The following KLHL36 variants were observed in gnomAD, a reference collection of about 807,000 sequenced individuals.
KLHL36 encodes the protein kelch like family member 36.
In KLHL36, 35 loss-of-function variants were observed where a neutral mutation model predicts 53.3. That is an observed-to-expected ratio of 0.66 (90% CI 0.50 to 0.87). The LOEUF is 0.87. KLHL36 is among the 40% of genes least tolerant of loss of function. The pLI is 0.00. For missense variants in KLHL36, 864 were observed against 897.6 expected, an observed-to-expected ratio of 0.96 and a Z score of 0.48; for synonymous variants, 472 against 398.9, an observed-to-expected ratio of 1.18 and a Z score of -2.18.
In KLHL36 at chr16:84,657,764, C is replaced by T. The variant is rs145942400; in HGVS notation, c.957C>T (p.Asp319=). 20 of 1,611,206 alleles carry T rather than the reference C, an allele frequency of 1.2e-5. No homozygotes were observed. Among genetic ancestry groups the T allele is most frequent in the Middle Eastern group, 3.3e-4 (2 of 6,022 alleles). The part of the protein sequence containing the change: ...LELSDDTCYL[D]AKSEQWVKET... ...TCAGTGACGACACCTGCTACCTGGA[C>T]GCCAAGAGCGAGCAGTGGGTCAAAG... Residue 319 remains aspartate, a synonymous_variant, in exon 3 of 5, where the codon GAC becomes GAT. Transcript: ENST00000564996.
rs1907267496 is a variant in KLHL36 at position 84,657,310 on chromosome 16, A to T, written c.503A>T (p.Asp168Val). The change falls in exon 3 of 5, where the codon GAT becomes GTT. Residue 168 changes from aspartate (D) to valine (V), a missense_variant. Physicochemically the swap from Asp to Val is radical, Grantham distance 152. Coordinates refer to ENST00000564996, the MANE Select transcript of KLHL36 (RefSeq NM_024731.4). ...YSLKRLDAFI[D>V]GFILNHFGTL... Reference sequence around the variant, plus strand: ...CTCAAGCGGCTTGATGCCTTCATCGATGGCTTCATCCTGAACCACTTCGGC... The same window carrying T: ...CTCAAGCGGCTTGATGCCTTCATCGTTGGCTTCATCCTGAACCACTTCGGC... 1 of 1,613,730 alleles carries T rather than the reference A, an allele frequency of 6.2e-7. No homozygotes were observed.
At chr16:84,649,132 A>T (rs1341714130) in intron 1 of KLHL36, 1 of 152,302 alleles carries the variant, frequency 6.6e-6, no homozygotes, top group East Asian at 1.9e-4. Flanking sequence ...CTGCGGTCCC[A>T]TGTTTACTGG....
In KLHL36 at chr16:84,657,794, G is replaced by T. The variant is rs776937288; in HGVS notation, c.987G>T (p.Thr329=). Reference sequence around the variant, plus strand: ...AGAGCGAGCAGTGGGTCAAAGAGACGCCGCTGCCCGCCCGGCGGAGCCACC... The same window carrying T: ...AGAGCGAGCAGTGGGTCAAAGAGACTCCGCTGCCCGCCCGGCGGAGCCACC... ...DAKSEQWVKE[T]PLPARRSHHC... is the part of the protein sequence containing the mutation. The change falls in exon 3 of 5, where the codon ACG becomes ACT. Residue 329 remains threonine (T), a synonymous_variant. Transcript: ENST00000564996. 1.2e-6 allele frequency: 2 copies of T among 1,606,352 alleles called. No homozygotes were observed. The highest frequency in any genetic ancestry group is 2.2e-5 in the South Asian group (2 of 90,784).
Position 84,657,208 on chromosome 16 carries a change from TCTG to T in KLHL36, c.405_407del (p.Cys136del). The T allele has an allele frequency of 6.2e-7, 1 of 1,614,162 alleles. No homozygotes were observed. Among genetic ancestry groups the T allele is most frequent in the Non-Finnish European group, 8.5e-7 (1 of 1,180,032 alleles). On this transcript the variant is annotated inframe_deletion, in exon 3 of 5. Coordinates refer to ENST00000564996, the MANE Select transcript of KLHL36 (RefSeq NM_024731.4). The stretch of plus-strand genomic sequence containing the variant: ...CTGCAGATCTGGACGGTGGTAGACT[TCTG>T]CTGTGAGTACCTGGAGCAGGAGGTG...
rs145963329 is a variant in KLHL36 at position 84,652,521 on chromosome 16, G to A, written c.63+1591G>A. 3.4e-3 allele frequency among the ~76,000 whole-genome samples: 519 copies of A among 152,240 alleles called. 3 individuals are homozygous for A. The highest frequency in any genetic ancestry group is 0.012 in the African/African-American group (495 of 41,552). ...CTTGACCTCGTGACCCGCCAGCCTT[G>A]GCCTCCCAAAGTGCTGGGATTACAG... On this transcript the variant is annotated intron_variant, in intron 2 of 4. Coordinates refer to ENST00000564996, the MANE Select transcript of KLHL36 (RefSeq NM_024731.4).
At chr16:84,655,436 G>GCTA (rs1397517055) in intron 2 of KLHL36, among the ~76,000 whole-genome samples, 1 of 152,148 alleles carries the variant, frequency 6.6e-6, no homozygotes, top group African/African-American at 2.4e-5. Context: ...AATCAGACAG[G>GCTA]CGTGGTAGCG....
rs1907539120 is a variant in KLHL36 at position 84,661,437 on chromosome 16, T to C, written c.1296-141T>C. 1.3e-6 allele frequency: 1 copy of C among 792,778 alleles called. No individual in the cohort carries two copies. Among genetic ancestry groups the C allele is most frequent in the Admixed American group, 2.6e-5 (1 of 38,500 alleles). The allele number at this position is 792,778 out of a possible 1,614,324, so 49.1% of individuals were successfully genotyped here. ...CTTTGCTAATGACGGCTACTGTCTA[T>C]AGAGTGTTCATGGGGTGCCCACTCC... is the stretch of plus-strand genomic sequence containing the variant. On this transcript the variant is annotated intron_variant, in intron 4 of 4. Transcript: ENST00000564996. The surrounding 1 kb of genome is among the most constrained non-coding windows in gnomAD (Gnocchi z 7.9).
At position 84,661,544 on chromosome 16, in the gene KLHL36, G is replaced by A. The variant is rs1907546212; in HGVS notation, c.1296-34G>A. The A allele has an allele frequency of 6.5e-7, 1 of 1,546,484 alleles. No homozygotes were observed. Among genetic ancestry groups the A allele is most frequent in the East Asian group, 2.3e-5 (1 of 44,214 alleles). On this transcript the variant is annotated intron_variant, in intron 4 of 4. Transcript: ENST00000564996. This position sits in a 1 kb window ranked among gnomAD's most constrained non-coding sequence, Gnocchi z 7.9. ...GGGGGTAAGCCTGGCACAGCCCTGA[G>A]CTCTCCCTCTGTCTCTGCCCGTCGA... is the stretch of plus-strand genomic sequence containing the variant.
rs759918949 is a variant in KLHL36, at chr16:84,663,816, A to G, written c.*1683A>G. On this transcript the variant is annotated 3_prime_UTR_variant, in exon 5 of 5. Transcript: ENST00000564996. ...TACTGTGGTTCTCACTGGTCTGTTTATGTAGCCATCCAGAAGAGATGAGAG... is the reference window on the plus strand; with the variant it reads ...TACTGTGGTTCTCACTGGTCTGTTTGTGTAGCCATCCAGAAGAGATGAGAG... 1.4e-4 allele frequency: 22 copies of G among 152,138 alleles called. No homozygotes were observed. The highest frequency in any genetic ancestry group is 5.1e-4 in the African/African-American group (21 of 41,414). The allele number at this position is 152,138 out of a possible 1,614,324, so 9.4% of individuals were successfully genotyped here. A position where few individuals can be genotyped will look rare whatever the true frequency, so the allele number is the denominator to read the frequency against.
rs547795712 is a variant in KLHL36 at position 84,648,566 on chromosome 16, C to T, written c.-100C>T. 1 of 147,650 alleles carries T rather than the reference C, an allele frequency of 6.8e-6. No homozygotes were observed. Among genetic ancestry groups the T allele is most frequent in the South Asian group, 1.8e-4 (1 of 5,548 alleles). 9.1% of individuals were successfully genotyped at this position (147,650 alleles called of 1,614,324 possible). On this transcript the variant is annotated 5_prime_UTR_variant, in exon 1 of 5. Coordinates refer to ENST00000564996, the MANE Select transcript of KLHL36 (RefSeq NM_024731.4). The surrounding 1 kb of genome is among the most constrained non-coding windows in gnomAD (Gnocchi z 4.9). ...GCTGCGCAGCGGGCTGGCCGGGGGT[C>T]TCCTGAACCCGGGCCCCGCCGCCCC...
At chr16:84,652,572 T>G (rs143286971) in intron 2 of KLHL36, among the ~76,000 whole-genome samples, 28 of 152,280 alleles carry the variant, frequency 1.8e-4, no homozygotes, top group African/African-American at 6.7e-4. Context: ...ACTGGCCTGT[T>G]TCTAACTTTT....
At chr16:84,659,573 A>T in intron 3 of KLHL36, 187 bp from the exon 4 acceptor site, 3 of 589,320 alleles carry the variant, frequency 5.1e-6, no homozygotes, top group South Asian at 2.2e-5. Context: ...GATTCAGAGC[A>T]TCTTGGTGAA....
rs754689351 is a variant in KLHL36 at position 84,661,874 on chromosome 16, C to T, written c.1592C>T (p.Pro531Leu). 1.9e-6 allele frequency: 3 copies of T among 1,600,168 alleles called. No homozygotes were observed. Among genetic ancestry groups the T allele is most frequent in the Admixed American group, 3.4e-5 (2 of 59,652 alleles). ...PQCNQWTRVA[P>L]LLHANSESGV... ...TGCAACCAGTGGACCCGCGTGGCGC[C>T]GCTGCTGCACGCCAACAGCGAGTCG... The change falls in exon 5 of 5, where the codon CCG becomes CTG. Residue 531 changes from proline to leucine, a missense_variant. By Grantham distance (98) the Pro-to-Leu change is moderately conservative (BLOSUM62 -3). Transcript: ENST00000564996. This position sits in a 1 kb window ranked among gnomAD's most constrained non-coding sequence, Gnocchi z 7.9.
Position 84,666,359 on chromosome 16 carries a change from C to T in KLHL36, c.*4226C>T, listed in dbSNP as rs1487682923. 6.6e-6 allele frequency: 1 copy of T among 152,148 alleles called. No individual in the cohort carries two copies. Among genetic ancestry groups the T allele is most frequent in the African/African-American group, 2.4e-5 (1 of 41,406 alleles). The allele number at this position is 152,148 out of a possible 1,614,324, so 9.4% of individuals were successfully genotyped here. On this transcript the variant is annotated 3_prime_UTR_variant, in exon 5 of 5. Coordinates refer to ENST00000564996, the MANE Select transcript of KLHL36 (RefSeq NM_024731.4). ...GCCCTTCTCCATCGCTGATGTGATA[C>T]AGCTCTAGAATTTCGTGAAGTTGCA...
intron 1 of KLHL36, among the ~76,000 whole-genome samples, chr16:84,650,139 C>G (rs988378463): frequency 1.3e-5 from 2 of 152,198 alleles, no homozygotes; most frequent in African/African-American, 4.8e-5. Flanking sequence ...CCTCACTGCT[C>G]TCAGCATCCT....
At position 84,651,006 on chromosome 16, in the gene KLHL36, A is replaced by G. The variant is rs1324338858; in HGVS notation, c.63+76A>G. On this transcript the variant is annotated intron_variant, in intron 2 of 4. Transcript: ENST00000564996. ...CCTTTTTCTGATTCACTCATTTCTAATCACAGACTGATTTTTTTGTCATTG... is the reference window on the plus strand; with the variant it reads ...CCTTTTTCTGATTCACTCATTTCTAGTCACAGACTGATTTTTTTGTCATTG... 7 of 1,246,216 alleles carry G rather than the reference A, an allele frequency of 5.6e-6. No individual in the cohort carries two copies. In the South Asian group the frequency reaches 7.9e-5, roughly 14 times the overall value. 77.2% of individuals were successfully genotyped at this position (1,246,216 alleles called of 1,614,324 possible). A position where few individuals can be genotyped will look rare whatever the true frequency, so the allele number is the denominator to read the frequency against.
In KLHL36 at chr16:84,662,183, T is replaced by G; in HGVS notation, c.*50T>G. 7.0e-7 allele frequency: 1 copy of G among 1,418,866 alleles called. No individual in the cohort carries two copies. The highest frequency in any genetic ancestry group is 1.4e-5 in the African/African-American group (1 of 69,802). The allele number at this position is 1,418,866 out of a possible 1,614,324, so 87.9% of individuals were successfully genotyped here. A position where few individuals can be genotyped will look rare whatever the true frequency, so the allele number is the denominator to read the frequency against. ...TCCTCACCGTCACCTCCCAGGGCTC[T>G]GTAGACCAGCAGCAACTTCTTAGTA... On this transcript the variant is annotated 3_prime_UTR_variant, in exon 5 of 5. Transcript: ENST00000564996.
chr16:84,660,784 G>A (rs1346611994), intron 4 of KLHL36, among the ~76,000 whole-genome samples: 1 of 152,132 alleles, frequency 6.6e-6, no homozygotes, highest in Non-Finnish European at 1.5e-5. Flanking sequence ...ACCACACCCA[G>A]CTAAGTTTTG....
chr16:84,649,336 A>G (rs1442302299), intron 1 of KLHL36: 3 of 152,310 alleles, frequency 2.0e-5, no homozygotes, highest in Non-Finnish European at 4.4e-5. Context: ...GGCCTAGAAA[A>G]TAAAGCGTTG....
Sources: allele counts gnomAD v4.1 joint callset (sites outside exome capture counted in the v4.1 genomes callset), GRCh38; gene constraint gnomAD v4.1.1; non-coding constraint Gnocchi (gnomAD v3.1); transcripts MANE v1.5; gene names NCBI Gene and HGNC (gene_info 2026-07-23, HGNC 2026-07-21).